Variants in MSH3 observed in about 807,000 individuals in gnomAD.
The protein encoded by MSH3 is DNA mismatch repair protein Msh3.
MSH3 carries 106 observed loss-of-function variants against 123.3 expected under a neutral mutation model. That is an observed-to-expected ratio of 0.86 (90% CI 0.73 to 1.01). The LOEUF is 1.01. Among genes scored for constraint, MSH3 ranks in the 50% least tolerant of loss-of-function variants. The pLI is 0.00. For missense variants in MSH3, 1,459 were observed against 1,347.6 expected, an observed-to-expected ratio of 1.08 and a Z score of -1.29; for synonymous variants, 515 against 481.4, an observed-to-expected ratio of 1.07 and a Z score of -0.91.
At chr5:80,754,369 C>A (rs1169255585) in intron 12 of MSH3, among the ~76,000 whole-genome samples, 1 of 152,012 alleles carries the variant, frequency 6.6e-6, no homozygotes, top group Non-Finnish European at 1.5e-5. Flanking sequence ...TGGCTGTTTT[C>A]CCTTAGTAGT....
chr5:80,861,302 G>C (rs1746009895), intron 21 of MSH3, among the ~76,000 whole-genome samples: 1 of 152,182 alleles, frequency 6.6e-6, no homozygotes. Context: ...GCTGGTAAGG[G>C]TCTAGGGGAG....
rs1369457380 is a variant in MSH3, at chr5:80,656,486, C to T, written c.313C>T (p.Gln105Ter). 1 of 1,614,004 alleles carries T rather than the reference C, an allele frequency of 6.2e-7. No individual in the cohort carries two copies. Among genetic ancestry groups the T allele is most frequent in the East Asian group, 2.2e-5 (1 of 44,884 alleles). Reference protein sequence around the residue: ...GPVKKKVKKVQQKEGGSDLGM... With the variant: ...GPVKKKVKKV Reference sequence around the variant, plus strand: ...TGTTAAAAAGAAAGTAAAGAAAGTCCAACAAAAGGAAGGAGGAAGTGATCT... The same window carrying T: ...TGTTAAAAAGAAAGTAAAGAAAGTCTAACAAAAGGAAGGAGGAAGTGATCT... The change falls in exon 2 of 24, where the codon CAA becomes TAA. Residue 105 changes from glutamine to a stop codon, truncating the protein, a stop_gained. Transcript: ENST00000265081. LOFTEE classifies it high-confidence loss of function.
At chr5:80,790,163 G>A (rs1372367963) in intron 18 of MSH3, among the ~76,000 whole-genome samples, 1 of 152,150 alleles carries the variant, frequency 6.6e-6, no homozygotes, top group African/African-American at 2.4e-5. Context: ...TGTACACGTG[G>A]AGATGTGTAT....
intron 8 of MSH3, among the ~76,000 whole-genome samples, chr5:80,719,494 A>G (rs1178084605): frequency 1.2e-4 from 19 of 152,154 alleles, no homozygotes; most frequent in African/African-American, 2.4e-5. Flanking sequence ...TCTGACATCT[A>G]TATCTCCTTT....
intron 20 of MSH3, among the ~76,000 whole-genome samples, chr5:80,837,826 T>C (rs888800202): frequency 1.3e-5 from 2 of 152,200 alleles, no homozygotes; most frequent in Non-Finnish European, 2.9e-5. Flanking sequence ...GTTAAGGTAT[T>C]GGCCAGGGTG....
At chr5:80,770,429 T>A (rs1744196624) in intron 15 of MSH3, among the ~76,000 whole-genome samples, 1 of 152,228 alleles carries the variant, frequency 6.6e-6, no homozygotes. Context: ...TAAAGTGCTA[T>A]GCTTATACTA....
At chr5:80,719,534 A>C (rs1751037320) in intron 8 of MSH3, among the ~76,000 whole-genome samples, 1 of 152,206 alleles carries the variant, frequency 6.6e-6, no homozygotes, top group Admixed American at 6.5e-5. Context: ...CCTGGTTCTT[A>C]TGTAAGTACT....
intron 8 of MSH3, among the ~76,000 whole-genome samples, chr5:80,687,556 G>C (rs1023000353): frequency 2.4e-4 from 37 of 152,054 alleles, no homozygotes; most frequent in African/African-American, 8.7e-4. Flanking sequence ...AGAATAGAAG[G>C]CTTTGAGTTG....
chr5:80,860,188 C>T (rs1015406097), intron 21 of MSH3, among the ~76,000 whole-genome samples: 7 of 152,020 alleles, frequency 4.6e-5, no homozygotes, highest in African/African-American at 7.3e-5. Context: ...ATGCTAGATC[C>T]ACTAAAAATA....
chr5:80,837,716 A>G (rs1211416601), intron 20 of MSH3, among the ~76,000 whole-genome samples: 2 of 152,238 alleles, frequency 1.3e-5, no homozygotes, highest in East Asian at 1.9e-4. Context: ...GTAACCAACT[A>G]TCACAAATTT....
chr5:80,700,015 T>C (rs552787590), intron 8 of MSH3, among the ~76,000 whole-genome samples: 1 of 152,358 alleles, frequency 6.6e-6, no homozygotes, highest in African/African-American at 2.4e-5. Flanking sequence ...AGTTGACTAC[T>C]TTGTCATTCT....
At chr5:80,832,981 A>G (rs1318015286) in intron 20 of MSH3, among the ~76,000 whole-genome samples, 1 of 152,190 alleles carries the variant, frequency 6.6e-6, no homozygotes, top group Non-Finnish European at 1.5e-5. Flanking sequence ...CATCTAGAAT[A>G]TTATCTCAAA....
chr5:80,701,021 CTT>C (rs997958130), intron 8 of MSH3, among the ~76,000 whole-genome samples: 6 of 152,088 alleles, frequency 3.9e-5, no homozygotes, highest in African/African-American at 1.2e-4. Flanking sequence ...CATAAAGACT[CTT>C]TATTTAGCTA....
At chr5:80,838,064 G>A (rs992380362) in intron 20 of MSH3, among the ~76,000 whole-genome samples, 2 of 152,236 alleles carry the variant, frequency 1.3e-5, no homozygotes, top group African/African-American at 4.8e-5. Context: ...TCTAGCACTA[G>A]TTGACTGGCA....
chr5:80,697,272 G>A (rs1286834383), intron 8 of MSH3, among the ~76,000 whole-genome samples: 2 of 152,204 alleles, frequency 1.3e-5, no homozygotes, highest in African/African-American at 4.8e-5. Flanking sequence ...ACAGAGGAAT[G>A]GCCCTGCCAT....
intron 20 of MSH3, among the ~76,000 whole-genome samples, chr5:80,840,546 TG>T (rs1430537829): frequency 1.4e-4 from 22 of 152,304 alleles, no homozygotes; most frequent in South Asian, 6.2e-4. Flanking sequence ...CCCGAGTAGC[TG>T]GGATTATAGG....
intron 12 of MSH3, among the ~76,000 whole-genome samples, chr5:80,747,288 T>G (rs3797888): frequency 0.011 from 1,675 of 152,288 alleles, 35 homozygotes; most frequent in African/African-American, 0.038. Flanking sequence ...TCCTTTTTTT[T>G]TGTGTACCCA....
chr5:80,660,147 A>G (rs558214613), intron 2 of MSH3, among the ~76,000 whole-genome samples: 73 of 152,100 alleles, frequency 4.8e-4, no homozygotes, highest in Admixed American at 1.2e-3. Flanking sequence ...ACAGTTCCAC[A>G]TGGCTGGGGA....
chr5:80,705,870 AAC>A (rs2112841283), intron 8 of MSH3, among the ~76,000 whole-genome samples: 1 of 152,228 alleles, frequency 6.6e-6, no homozygotes, highest in South Asian at 2.1e-4. Context: ...GCCTCACTTT[AAC>A]TCTCTGCAAA....
Sources: gnomAD v4.1 joint callset for allele counts (sites outside exome capture counted in the v4.1 genomes callset) on GRCh38, gnomAD v4.1.1 for gene constraint, MANE v1.5 for transcripts, NCBI Gene and HGNC (gene_info 2026-07-23, HGNC 2026-07-21) for gene names.